Variants in SRA1 observed in about 807,000 individuals in gnomAD.
The protein encoded by SRA1 is steroid receptor RNA activator 1, also known as lncRNA SRA.
Under a neutral mutation model 24.3 loss-of-function variants are expected in SRA1, and 25 were observed. That is an observed-to-expected ratio of 1.03 (90% CI 0.75 to 1.43). The LOEUF is 1.43. Among genes scored for constraint, SRA1 ranks in the 40% most tolerant of loss-of-function variants. The probability of loss-of-function intolerance (pLI) is 0.00; values close to 1 mark genes in which losing one functional copy is unlikely to be tolerated. For synonymous variants in SRA1, 104 were observed against 109.5 expected, an observed-to-expected ratio of 0.95 and a Z score of 0.31; for missense variants, 303 against 286.6, an observed-to-expected ratio of 1.06 and a Z score of -0.41.
chr5:140,554,621 CCT>C (rs139046057), intron 2 of SRA1, among the ~76,000 whole-genome samples: 136 of 152,334 alleles, frequency 8.9e-4, no homozygotes, highest in African/African-American at 3.0e-3. Context: ...ATCAGCTCCC[CCT>C]CTCTACTGAA....
chr5:140,556,960 A>G, intron 2 of SRA1, among the ~76,000 whole-genome samples, 187 bp downstream of exon 2: 1 of 152,136 alleles, frequency 6.6e-6, no homozygotes, highest in East Asian at 1.9e-4. Flanking sequence ...TCAATACACC[A>G]TTTATTAACC....
At chr5:140,555,792 A>G (rs1163622508) in intron 2 of SRA1, among the ~76,000 whole-genome samples, 1 of 151,892 alleles carries the variant, frequency 6.6e-6, no homozygotes, top group African/African-American at 2.4e-5. Context: ...TATCAAGCAA[A>G]AAAATTCAGT....
chr5:140,551,910 A>C, intron 3 of SRA1, 72 bp downstream of exon 3: 1 of 1,408,826 alleles, frequency 7.1e-7, no homozygotes, highest in South Asian at 1.2e-5. Context: ...CAGAGGGTCT[A>C]TCTCTGGGAA....
Position 140,550,499 on chromosome 5 carries a change from C to G in SRA1, c.*201G>C, listed in dbSNP as rs1754515993. The G allele has an allele frequency of 6.6e-6, 4 of 610,628 alleles. No individual in the cohort carries two copies. Among genetic ancestry groups the G allele is most frequent in the South Asian group, 2.0e-5 (1 of 50,456 alleles). The allele number at this position is 610,628 out of a possible 1,614,324, so 37.8% of individuals were successfully genotyped here. On this transcript the variant is annotated 3_prime_UTR_variant, in exon 5 of 5. Transcript: ENST00000336283. Reference sequence around the variant, plus strand: ...ACCGGAAGGGTTCATCTCTCCTACCCAAGGCCCACCGCAGAGATGTTTTTA... The same window carrying G: ...ACCGGAAGGGTTCATCTCTCCTACCGAAGGCCCACCGCAGAGATGTTTTTA...
intron 2 of SRA1, among the ~76,000 whole-genome samples, chr5:140,556,856 G>C (rs1324381584): frequency 6.6e-6 from 1 of 152,056 alleles, no homozygotes; most frequent in Non-Finnish European, 1.5e-5. Context: ...AAGAGGTATA[G>C]GTTAACAAAG....
In SRA1 at chr5:140,550,833, T is replaced by TGA. The variant is rs1274089836; in HGVS notation, c.540_541dup (p.Gln181LeufsTer5). The TGA allele has an allele frequency of 1.9e-6, 3 of 1,614,174 alleles. No homozygotes were observed. Among genetic ancestry groups the TGA allele is most frequent in the Non-Finnish European group, 2.5e-6 (3 of 1,180,006 alleles). ...TAATCTTTTAACTCCTACCATCCACTGACTGACCTCAGTCACATGGTCAAC... is the reference window on the plus strand; with the variant it reads ...TAATCTTTTAACTCCTACCATCCACTGAGACTGACCTCAGTCACATGGTCAAC... On this transcript the variant is annotated frameshift_variant, in exon 5 of 5. Transcript: ENST00000336283. LOFTEE classifies it high-confidence loss of function.
intron 2 of SRA1, among the ~76,000 whole-genome samples, 169 bp from the exon 3 acceptor site, chr5:140,552,353 T>C (rs185250099): frequency 6.6e-6 from 1 of 152,060 alleles, no homozygotes. Flanking sequence ...CACTAAAGAT[T>C]AGAAAAGTAA....
At position 140,550,650 on chromosome 5, in the gene SRA1, G is replaced by T; in HGVS notation, c.*50C>A. 6.4e-7 allele frequency: 1 copy of T among 1,552,520 alleles called. No individual in the cohort carries two copies. The highest frequency in any genetic ancestry group is 8.9e-7 in the Non-Finnish European group (1 of 1,124,328). On this transcript the variant is annotated 3_prime_UTR_variant, in exon 5 of 5. Transcript: ENST00000336283. Reference sequence around the variant, plus strand: ...GTAAGAAGGGAGCCAAGTGACAGAAGGTCTCCAAGGCATAGGAGATGGTGT... The same window carrying T: ...GTAAGAAGGGAGCCAAGTGACAGAATGTCTCCAAGGCATAGGAGATGGTGT...
chr5:140,557,753 C>T, upstream of SRA1: 1 of 533,596 alleles, frequency 1.9e-6, no homozygotes, highest in South Asian at 2.5e-5. Context: ...AGCTCCTGCC[C>T]CACATACACC....
At chr5:140,555,168 G>A (rs1244509689) in intron 2 of SRA1, among the ~76,000 whole-genome samples, 1 of 151,970 alleles carries the variant, frequency 6.6e-6, no homozygotes, top group East Asian at 1.9e-4. Flanking sequence ...GAGCCACTGC[G>A]CCTGGCCCCT....
Position 140,557,217 on chromosome 5 carries a change from G to T in SRA1, c.81C>A (p.Thr27=), listed in dbSNP as rs1581400665. The T allele has an allele frequency of 6.2e-7, 1 of 1,613,476 alleles. No homozygotes were observed. The highest frequency in any genetic ancestry group is 1.1e-5 in the South Asian group (1 of 91,064). ...GCGAGCGCCTGGGTCCGCCGGCCTG[G>T]GTCTGCAGCCCGTATGAGAACTGCG... ...DPPQFSYGLQ[T]QAGGPRRSLL... Residue 27 remains threonine (T), a synonymous_variant, in exon 2 of 5, where the codon ACC becomes ACA. Transcript: ENST00000336283.
At chr5:140,552,906 G>A (rs1263088765) in intron 2 of SRA1, among the ~76,000 whole-genome samples, 1 of 152,188 alleles carries the variant, frequency 6.6e-6, no homozygotes, top group African/African-American at 2.4e-5. Context: ...TGACCTCAGA[G>A]AGCTTAATTC....
chr5:140,552,152 G>A lies in SRA1; in HGVS notation c.184C>T (p.Pro62Ser). ...CTTGAAGGAGGTGGAGGCCCCATTG[G>A]GGGAGGCCCAGGAGAAGTCTCTGAT... is the stretch of plus-strand genomic sequence containing the variant. ...PASETSPGPP[P>S]MGPPPPSSKA... Residue 62 changes from proline (P) to serine (S), a missense_variant, in exon 3 of 5, where the codon CCA (proline) becomes TCA (serine). Coordinates refer to ENST00000336283, the MANE Select transcript of SRA1 (RefSeq NM_001035235.4). The A allele has an allele frequency of 1.2e-6, 2 of 1,608,348 alleles. No homozygotes were observed. The highest frequency in any genetic ancestry group is 1.7e-6 in the Non-Finnish European group (2 of 1,177,488).
upstream of SRA1, chr5:140,557,532 GGCCAGGCGGGTT>G: frequency 1.3e-6 from 2 of 1,484,886 alleles, no homozygotes; most frequent in African/African-American, 2.8e-5. Flanking sequence ...ACACGTCCAG[GGCCAGGCGGGTT>G]GCCGGAATCC....
In SRA1 at chr5:140,550,592, T is replaced by C; in HGVS notation, c.*108A>G. 1 of 1,010,710 alleles carries C rather than the reference T, an allele frequency of 9.9e-7. No homozygotes were observed. The highest frequency in any genetic ancestry group is 2.6e-4 in the Middle Eastern group (1 of 3,808). 62.6% of individuals were successfully genotyped at this position (1,010,710 alleles called of 1,614,324 possible). A position where few individuals can be genotyped will look rare whatever the true frequency, so the allele number is the denominator to read the frequency against. On this transcript the variant is annotated 3_prime_UTR_variant, in exon 5 of 5. Transcript: ENST00000336283. ...CAGGTGGGACTTCTTCCCTCATAGG[T>C]GGGTCAGGCCCAGTGGGACAGTCTT...
Position 140,550,666 on chromosome 5 carries a change from G to A in SRA1, c.*34C>T, listed in dbSNP as rs750262653. ...GTGACAGAAGGTCTCCAAGGCATAG[G>A]AGATGGTGTCCGGTGAGTCTGGGGA... On this transcript the variant is annotated 3_prime_UTR_variant, in exon 5 of 5. Coordinates refer to ENST00000336283, the MANE Select transcript of SRA1 (RefSeq NM_001035235.4). 2 of 1,603,388 alleles carry A rather than the reference G, an allele frequency of 1.2e-6. No homozygotes were observed. Among genetic ancestry groups the A allele is most frequent in the East Asian group, 2.2e-5 (1 of 44,850 alleles).
intron 3 of SRA1, 40 bp from the exon 4 acceptor site, chr5:140,551,209 C>A: frequency 6.6e-7 from 1 of 1,523,840 alleles, no homozygotes; most frequent in Non-Finnish European, 9.1e-7. Flanking sequence ...GTGCTGCCAG[C>A]CCAATGAGGG....
intron 2 of SRA1, among the ~76,000 whole-genome samples, chr5:140,552,664 A>AAAAAG (rs1393380519): frequency 6.6e-6 from 1 of 151,988 alleles, no homozygotes; most frequent in African/African-American, 2.4e-5. Context: ...AAAAAAAAAA[A>AAAAAG]AAAAGAAAAG....
rs774788118 is a variant in SRA1, at chr5:140,552,009, T to C, written c.327A>G (p.Ala109=). 6.2e-7 allele frequency: 1 copy of C among 1,613,190 alleles called. No individual in the cohort carries two copies. The highest frequency in any genetic ancestry group is 1.1e-5 in the South Asian group (1 of 90,968). ...TTGTGTGGCCACGGCAGTCTTCCAA[T>C]GCCTGTTCCAAAGGTCTCAGCACAT... is the stretch of plus-strand genomic sequence containing the variant. ...MEDVLRPLEQ[A]LEDCRGHTRK... Residue 109 remains alanine (A), a synonymous_variant, in exon 3 of 5, where the codon GCA becomes GCG. Coordinates refer to ENST00000336283, the MANE Select transcript of SRA1 (RefSeq NM_001035235.4).
Sources: allele counts gnomAD v4.1 joint callset (sites outside exome capture counted in the v4.1 genomes callset), GRCh38; gene constraint gnomAD v4.1.1; transcripts MANE v1.5; gene names NCBI Gene and HGNC (gene_info 2026-07-23, HGNC 2026-07-21).